ANKS1B: variants seen among roughly 807,000 people sequenced by gnomAD.
ANKS1B encodes ankyrin repeat and sterile alpha motif domain containing 1B.
In ANKS1B, 36 loss-of-function variants were observed where a neutral mutation model predicts 148.3. The ratio of observed to expected loss-of-function variants is 0.24; its 90% CI spans 0.19 to 0.32. The LOEUF is 0.32. ANKS1B is among the 10% of genes least tolerant of loss of function. ANKS1B has a pLI of 1.00. For synonymous variants in ANKS1B, 542 were observed against 560.8 expected (o/e 0.97, Z 0.47); for missense variants, 1,157 against 1,542.6 (o/e 0.75, Z 4.19).
At chr12:99,402,783 G>A (rs73151167) in intron 11 of ANKS1B, among the ~76,000 whole-genome samples, 19,312 of 145,596 alleles carry the variant, frequency 0.13, 3,340 homozygotes, top group African/African-American at 0.17. Context: ...ATGAACATAC[G>A]CATGACGTGT....
intron 9 of ANKS1B, chr12:99,649,581 T>C (rs1038593135): frequency 3.6e-6 from 2 of 558,142 alleles, no homozygotes; most frequent in Non-Finnish European, 3.2e-6. Flanking sequence ...AACACAGCAC[T>C]GGCAAAAGCA....
intron 15 of ANKS1B, among the ~76,000 whole-genome samples, chr12:99,103,423 C>T (rs2058453135): frequency 6.6e-6 from 1 of 152,170 alleles, no homozygotes; most frequent in Non-Finnish European, 1.5e-5. Flanking sequence ...ATATACTCTT[C>T]TTGGTCTCAT....
At chr12:99,506,052 G>C (rs1269667162) in intron 9 of ANKS1B, among the ~76,000 whole-genome samples, 1 of 151,966 alleles carries the variant, frequency 6.6e-6, no homozygotes, top group Non-Finnish European at 1.5e-5. Flanking sequence ...TCATGAGAGA[G>C]TTATCTATCA....
At chr12:99,940,894 T>G (rs538045914) in intron 1 of ANKS1B, among the ~76,000 whole-genome samples, 1 of 152,072 alleles carries the variant, frequency 6.6e-6, no homozygotes, top group Admixed American at 6.6e-5. Flanking sequence ...TTTTAAAAGA[T>G]AGAATTTGAA....
chr12:99,478,363 A>G (rs1457057266), intron 10 of ANKS1B, among the ~76,000 whole-genome samples: 1 of 152,082 alleles, frequency 6.6e-6, no homozygotes, highest in East Asian at 1.9e-4. Flanking sequence ...TTTGGGTAGT[A>G]TTTGAATGGC....
chr12:98,885,990 T>C (rs990968228), intron 17 of ANKS1B, among the ~76,000 whole-genome samples: 1 of 151,000 alleles, frequency 6.6e-6, no homozygotes, highest in Non-Finnish European at 1.5e-5. Flanking sequence ...GCAAGCATTC[T>C]AAGGGAGGGA....
At chr12:99,315,940 A>G (rs1043490798) in intron 12 of ANKS1B, among the ~76,000 whole-genome samples, 19 of 151,948 alleles carry the variant, frequency 1.3e-4, no homozygotes, top group Non-Finnish European at 2.6e-4. Flanking sequence ...CTGTCCTTGC[A>G]ATACTTTGCT....
chr12:99,293,660 A>C (rs1299266665), intron 12 of ANKS1B, among the ~76,000 whole-genome samples: 2 of 152,212 alleles, frequency 1.3e-5, no homozygotes, highest in Non-Finnish European at 2.9e-5. Flanking sequence ...AAGCAAAGTG[A>C]AAATGGACAA....
chr12:99,634,192 G>C (rs1348084091), intron 9 of ANKS1B, among the ~76,000 whole-genome samples: 1 of 152,162 alleles, frequency 6.6e-6, no homozygotes, highest in Non-Finnish European at 1.5e-5. Flanking sequence ...CATGAGAACA[G>C]AGCCCTCATG....
At chr12:99,209,347 T>G (rs936174116) in intron 14 of ANKS1B, among the ~76,000 whole-genome samples, 2 of 152,174 alleles carry the variant, frequency 1.3e-5, no homozygotes, top group Non-Finnish European at 2.9e-5. Context: ...AGGGTGACTC[T>G]AGAGAGAAAA....
chr12:99,013,950 A>ATT (rs959381490), intron 17 of ANKS1B, among the ~76,000 whole-genome samples: 10 of 152,204 alleles, frequency 6.6e-5, no homozygotes, highest in African/African-American at 2.4e-4. Context: ...GTCCAAAGCA[A>ATT]TTTATAGACT....
At chr12:98,950,754 C>T (rs60824071) in intron 17 of ANKS1B, among the ~76,000 whole-genome samples, 29,505 of 151,924 alleles carry the variant, frequency 0.19, 4,104 homozygotes, top group African/African-American at 0.39. Context: ...TTTCTGTGTG[C>T]TACCTTTCTT....
At chr12:99,728,568 A>T (rs1440527806) in intron 8 of ANKS1B, among the ~76,000 whole-genome samples, 1 of 152,168 alleles carries the variant, frequency 6.6e-6, no homozygotes, top group Admixed American at 6.5e-5. Context: ...ACAGTATGGC[A>T]ATTCGTCAAG....
intron 9 of ANKS1B, among the ~76,000 whole-genome samples, chr12:99,514,450 A>G (rs1301008576): frequency 6.6e-6 from 1 of 152,066 alleles, no homozygotes; most frequent in Non-Finnish European, 1.5e-5. Flanking sequence ...ATTACAACTT[A>G]TATTTATGCA....
At chr12:99,410,497 G>T (rs539152463) in intron 11 of ANKS1B, among the ~76,000 whole-genome samples, 1 of 152,054 alleles carries the variant, frequency 6.6e-6, no homozygotes, top group Non-Finnish European at 1.5e-5. Context: ...GTGAAACCCC[G>T]TCTCTACTAA....
intron 22 of ANKS1B, among the ~76,000 whole-genome samples, chr12:98,791,374 G>A (rs2098848900): frequency 1.3e-5 from 2 of 151,910 alleles, no homozygotes; most frequent in African/African-American, 4.8e-5. Context: ...AAAGGCACAT[G>A]TGAGCAAGGA....
intron 15 of ANKS1B, among the ~76,000 whole-genome samples, chr12:99,109,516 T>G (rs986765372): frequency 6.6e-6 from 1 of 152,172 alleles, no homozygotes; most frequent in African/African-American, 2.4e-5. Flanking sequence ...GGATTCTTCA[T>G]CTGTAAGATA....
Position 98,972,184 on chromosome 12 carries a change from A to C in ANKS1B, c.2778+80973T>G, listed in dbSNP as rs567506972. Among the ~76,000 whole-genome samples the C allele has an allele frequency of 2.6e-3, 395 of 152,216 alleles. 11 individuals carry two copies. The East Asian group carries it at 0.044, about 17-fold the overall frequency. ...CTCTGTCTCAAACTAACAAACAAAA[A>C]ATTTCACAGTCGTTATGAACAGATA... On this transcript the variant is annotated intron_variant, in intron 17 of 26. Transcript: ENST00000683438.
At chr12:99,716,623 C>T (rs990446095) in intron 8 of ANKS1B, among the ~76,000 whole-genome samples, 2 of 152,130 alleles carry the variant, frequency 1.3e-5, no homozygotes, top group Non-Finnish European at 2.9e-5. Flanking sequence ...TTCCATCCTA[C>T]GAGATCTAAA....
Sources: allele counts gnomAD v4.1 joint callset (sites outside exome capture counted in the v4.1 genomes callset), GRCh38; gene constraint gnomAD v4.1.1; transcripts MANE v1.5; gene names NCBI Gene and HGNC (gene_info 2026-07-23, HGNC 2026-07-21).